The following TTF2 variants were observed in gnomAD, a reference collection of about 807,000 sequenced individuals.
The protein encoded by TTF2 is RNA polymerase II termination factor.
A neutral mutation model predicts 142.4 loss-of-function variants in TTF2; 108 were observed. The observed-to-expected ratio is 0.76, with a 90% confidence interval of 0.65 to 0.89. The LOEUF (loss-of-function observed/expected upper bound fraction) is 0.89, where lower values mean the gene tolerates loss of function less well. TTF2 is among the 40% of genes least tolerant of loss of function. The probability of loss-of-function intolerance (pLI) is 0.00; values close to 1 mark genes in which losing one functional copy is unlikely to be tolerated. For synonymous variants in TTF2, 483 were observed against 506.2 expected, an observed-to-expected ratio of 0.95 and a Z score of 0.61; for missense variants, 1,327 against 1,379.8, an observed-to-expected ratio of 0.96 and a Z score of 0.61.
Position 117,094,476 on chromosome 1 carries a change from C to T in TTF2, c.2977-833C>T, listed in dbSNP as rs368215672. Among the ~76,000 whole-genome samples, 13 of 152,284 alleles carry T rather than the reference C, an allele frequency of 8.5e-5. No individual in the cohort carries two copies. The South Asian group carries it at 2.7e-3, about 32-fold the overall frequency. On this transcript the variant is annotated intron_variant, in intron 18 of 22. Transcript: ENST00000369466. Reference sequence around the variant, plus strand: ...GTCATGCCCCACGTGTTCTTACTGACAGCTCCCCTGTGGACTCAAGTGCAC... The same window carrying T: ...GTCATGCCCCACGTGTTCTTACTGATAGCTCCCCTGTGGACTCAAGTGCAC...
At position 117,076,052 on chromosome 1, in the gene TTF2, T is replaced by C. The variant is rs1656984506; in HGVS notation, c.1276-128T>C. ...AGCTGGGTTAAAATTTAAAAAAGGT[T>C]CTGGTTTTTGCACACATATTTAAAA... On this transcript the variant is annotated intron_variant, in intron 5 of 22. Coordinates refer to ENST00000369466, the MANE Select transcript of TTF2 (RefSeq NM_003594.4). This position sits in a 1 kb window ranked among gnomAD's most constrained non-coding sequence, Gnocchi z 4.6. 2 of 1,303,666 alleles carry C rather than the reference T, an allele frequency of 1.5e-6. No individual in the cohort carries two copies. Among genetic ancestry groups the C allele is most frequent in the African/African-American group, 3.0e-5 (2 of 67,194 alleles). The allele number at this position is 1,303,666 out of a possible 1,614,324, so 80.8% of individuals were successfully genotyped here.
At chr1:117,083,635 C>T (rs1275439355) in intron 10 of TTF2, among the ~76,000 whole-genome samples, 1 of 152,166 alleles carries the variant, frequency 6.6e-6, no homozygotes, top group Non-Finnish European at 1.5e-5. Flanking sequence ...CCACTTTCCT[C>T]CCCCTGTTTA....
At position 117,079,449 on chromosome 1, in the gene TTF2, T is replaced by C; in HGVS notation, c.1702-119T>C. On this transcript the variant is annotated intron_variant, in intron 8 of 22. Coordinates refer to ENST00000369466, the MANE Select transcript of TTF2 (RefSeq NM_003594.4). The surrounding 1 kb of genome is among the most constrained non-coding windows in gnomAD (Gnocchi z 4.2). The stretch of plus-strand genomic sequence containing the variant: ...GGACTTCAAGGTGAAATGAACTGTC[T>C]ACAGAATACTGAGGGAATCATTTGT... 1.1e-6 allele frequency: 1 copy of C among 924,986 alleles called. No individual in the cohort carries two copies. Among genetic ancestry groups the C allele is most frequent in the Admixed American group, 2.0e-5 (1 of 50,094 alleles). The allele number at this position is 924,986 out of a possible 1,614,324, so 57.3% of individuals were successfully genotyped here.
At chr1:117,061,327 CT>C (rs1655672833) in intron 2 of TTF2, among the ~76,000 whole-genome samples, 1 of 152,324 alleles carries the variant, frequency 6.6e-6, no homozygotes, top group African/African-American at 2.4e-5. Flanking sequence ...TGTTAAGCAT[CT>C]TCTCTAAAGT....
rs1293334247 is a variant in TTF2, at chr1:117,063,118, G to C, written c.218+645G>C. On this transcript the variant is annotated intron_variant, in intron 3 of 22. Transcript: ENST00000369466. This position sits in a 1 kb window ranked among gnomAD's most constrained non-coding sequence, Gnocchi z 4.1. Reference sequence around the variant, plus strand: ...GGAAGGTAGGGGTCAGGATGTGATAGATGGTCTTTGTGTGATATTCTATGC... The same window carrying C: ...GGAAGGTAGGGGTCAGGATGTGATACATGGTCTTTGTGTGATATTCTATGC... Among the ~76,000 whole-genome samples, 1 of 152,152 alleles carries C rather than the reference G, an allele frequency of 6.6e-6. No individual in the cohort carries two copies. The highest frequency in any genetic ancestry group is 2.4e-5 in the African/African-American group (1 of 41,438).
intron 18 of TTF2, chr1:117,094,789 A>G (rs1648957654): frequency 1.8e-5 from 7 of 382,658 alleles, no homozygotes; most frequent in South Asian, 1.4e-4. Flanking sequence ...ATTAATATAC[A>G]GTATGACAAG....
Position 117,092,037 on chromosome 1 carries a change from AGTCTG to A in TTF2, c.2805+88_2805+92del, listed in dbSNP as rs1648646582. 2.2e-6 allele frequency: 3 copies of A among 1,380,716 alleles called. No homozygotes were observed. In the East Asian group the frequency reaches 7.4e-5, roughly 34 times the overall value. The allele number at this position is 1,380,716 out of a possible 1,614,324, so 85.5% of individuals were successfully genotyped here. ...TTTCACTCTCCTCCAACTGGAATCC[AGTCTG>A]CTTGATCAAAGGAAATGCTGTTTCG... On this transcript the variant is annotated intron_variant, in intron 17 of 22. Coordinates refer to ENST00000369466, the MANE Select transcript of TTF2 (RefSeq NM_003594.4). The surrounding 1 kb of genome is among the most constrained non-coding windows in gnomAD (Gnocchi z 4.4).
At chr1:117,091,789 TC>T (rs1167137873) in intron 16 of TTF2, 27 bp from the exon 17 acceptor site, 14 of 1,610,056 alleles carry the variant, frequency 8.7e-6, no homozygotes, top group Non-Finnish European at 1.2e-5. Context: ...TCCTGTACCA[TC>T]CTGTGGCTTG....
In TTF2 at chr1:117,090,751, T is replaced by C. The variant is rs1433664163; in HGVS notation, c.2588+128T>C. 2.6e-5 allele frequency: 8 copies of C among 303,148 alleles called. No individual in the cohort carries two copies. Among genetic ancestry groups the C allele is most frequent in the African/African-American group, 1.2e-4 (5 of 41,576 alleles). 18.8% of individuals were successfully genotyped at this position (303,148 alleles called of 1,614,324 possible). A position where few individuals can be genotyped will look rare whatever the true frequency, so the allele number is the denominator to read the frequency against. Reference sequence around the variant, plus strand: ...TGATTAGTTGGATGTCTGTATTCCCTTTTTTTTTTTACCCCATTTTTCTCC... The same window carrying C: ...TGATTAGTTGGATGTCTGTATTCCCCTTTTTTTTTTACCCCATTTTTCTCC... On this transcript the variant is annotated intron_variant, in intron 15 of 22. Transcript: ENST00000369466. This position sits in a 1 kb window ranked among gnomAD's most constrained non-coding sequence, Gnocchi z 4.8.
chr1:117,090,029 T>G lies in TTF2; in HGVS notation c.2343-26T>G. On this transcript the variant is annotated intron_variant, in intron 13 of 22. Transcript: ENST00000369466. The surrounding 1 kb of genome is among the most constrained non-coding windows in gnomAD (Gnocchi z 4.8). ...CTCCCTGACTTTTCCTTCCCTACTC[T>G]GTGCCCTTCTTCCTCAACAAAAAAG... The G allele has an allele frequency of 1.2e-6, 2 of 1,608,598 alleles. No individual in the cohort carries two copies. Among genetic ancestry groups the G allele is most frequent in the South Asian group, 2.2e-5 (2 of 90,180 alleles).
chr1:117,091,913 T>C lies in TTF2; in HGVS notation c.2768T>C (p.Leu923Pro), dbSNP rs940164522. 3 of 1,613,080 alleles carry C rather than the reference T, an allele frequency of 1.9e-6. No individual in the cohort carries two copies. Among genetic ancestry groups the C allele is most frequent in the Non-Finnish European group, 2.5e-6 (3 of 1,179,784 alleles). The change falls in exon 17 of 23, where the codon CTC (leucine) becomes CCC (proline). Residue 923 changes from leucine to proline, a missense_variant. By Grantham distance (98) the Leu-to-Pro change is moderately conservative. Transcript: ENST00000369466. ...TVHILSQLLR[L>P]RQCCCHLSLL... is the part of the protein sequence containing the mutation. ...CACATACTGTCCCAGTTGCTGAGAC[T>C]CCGCCAGTGTTGCTGTCATCTTTCT...
chr1:117,095,066 G>C (rs141037728), intron 18 of TTF2, among the ~76,000 whole-genome samples: 7 of 152,330 alleles, frequency 4.6e-5, no homozygotes, highest in Middle Eastern at 3.4e-3. Flanking sequence ...AATCCGGCAA[G>C]CTGCCTTGAG....
Position 117,079,647 on chromosome 1 carries a change from T to C in TTF2, c.1781T>C (p.Leu594Pro), listed in dbSNP as rs1193401244. The change falls in exon 9 of 23, where the codon CTG becomes CCG. Residue 594 changes from leucine to proline, a missense_variant and splice_region_variant. Transcript: ENST00000369466. This position sits in a 1 kb window ranked among gnomAD's most constrained non-coding sequence, Gnocchi z 4.2. ...AGTCAGAAGCCACAAGGAGGAATTC[T>C]GGGTAAGTGTGGTATTATAAGAGTC... ...RESQKPQGGI[L>P]ADDMGLGKTL... 1.9e-6 allele frequency: 3 copies of C among 1,614,024 alleles called. No homozygotes were observed. The highest frequency in any genetic ancestry group is 2.5e-6 in the Non-Finnish European group (3 of 1,179,970).
rs1649136982 is a variant in TTF2, at chr1:117,096,265, T to C, written c.3152T>C (p.Leu1051Ser). ...GSVNPKQRMD[L>S]VEAFNHSRGP... ...GTCAATCCCAAGCAGAGAATGGACTTGGTAGAGGCATTTAACCACTCCAGA... is the reference window on the plus strand; with the variant it reads ...GTCAATCCCAAGCAGAGAATGGACTCGGTAGAGGCATTTAACCACTCCAGA... Residue 1051 changes from leucine (L) to serine (S), a missense_variant, in exon 20 of 23, where the codon TTG becomes TCG. Physicochemically the swap from Leu to Ser is moderately radical, Grantham distance 145. Transcript: ENST00000369466. 6.2e-7 allele frequency: 1 copy of C among 1,614,056 alleles called. No homozygotes were observed. The highest frequency in any genetic ancestry group is 1.3e-5 in the African/African-American group (1 of 74,918).
At position 117,102,805 on chromosome 1, in the gene TTF2, A is replaced by C. The variant is rs558562749; in HGVS notation, c.*1281A>C. 1.3e-5 allele frequency: 2 copies of C among 151,872 alleles called. No individual in the cohort carries two copies. The highest frequency in any genetic ancestry group is 4.2e-4 in the South Asian group (2 of 4,812). 9.4% of individuals were successfully genotyped at this position (151,872 alleles called of 1,614,324 possible). ...AATAATACTATTGGTACAATCCAAT[A>C]CTAATAATACTAACAGTAGTATTGA... On this transcript the variant is annotated 3_prime_UTR_variant, in exon 23 of 23. Transcript: ENST00000369466.
rs1657157136 is a variant in TTF2, at chr1:117,078,016, T to C, written c.1674T>C (p.Val558=). The change falls in exon 8 of 23, where the codon GTT becomes GTC. Residue 558 remains valine (V), a synonymous_variant. Coordinates refer to ENST00000369466, the MANE Select transcript of TTF2 (RefSeq NM_003594.4). ...RSLESCPGET[V]VAEDPAGLKV... ...TTGAGTCATGTCCTGGTGAGACGGT[T>C]GTGGCAGAAGATCCCGCCGGGCTGA... The C allele has an allele frequency of 6.2e-7, 1 of 1,614,088 alleles. No homozygotes were observed. Among genetic ancestry groups the C allele is most frequent in the Non-Finnish European group, 8.5e-7 (1 of 1,179,978 alleles).
At chr1:117,098,703 C>A in intron 21 of TTF2, 130 bp from the exon 22 acceptor site, 1 of 722,380 alleles carries the variant, frequency 1.4e-6, no homozygotes, top group Admixed American at 2.5e-5. Flanking sequence ...TTTCTTAAAT[C>A]CCTTTAAAAC....
intron 3 of TTF2, among the ~76,000 whole-genome samples, chr1:117,071,020 AGAAG>A (rs1656529585): frequency 2.6e-5 from 4 of 152,340 alleles, no homozygotes; most frequent in Admixed American, 2.0e-4. Context: ...GAAGGAAAGC[AGAAG>A]GAAGGAATTA....
chr1:117,069,756 T>C (rs1015409191), intron 3 of TTF2, among the ~76,000 whole-genome samples: 1 of 152,192 alleles, frequency 6.6e-6, no homozygotes, highest in South Asian at 2.1e-4. Flanking sequence ...AACTGTAGCC[T>C]TGCTAAAGTG....
Sources: gnomAD v4.1 joint callset for allele counts (sites outside exome capture counted in the v4.1 genomes callset) on GRCh38, gnomAD v4.1.1 for gene constraint, Gnocchi (gnomAD v3.1) non-coding constraint, MANE v1.5 for transcripts, NCBI Gene and HGNC (gene_info 2026-07-23, HGNC 2026-07-21) for gene names.